Variants in EFCAB14 observed in about 807,000 individuals in gnomAD.
EFCAB14 encodes the protein EF-hand calcium-binding domain-containing protein 14.
A neutral mutation model predicts 56.5 loss-of-function variants in EFCAB14; 43 were observed. That is an observed-to-expected ratio of 0.76 (90% confidence interval 0.60 to 0.98). EFCAB14 has a LOEUF of 0.98. Ranked by LOEUF, EFCAB14 falls within the 50% of genes least tolerant of loss-of-function variation. The pLI, the probability that EFCAB14 is intolerant of heterozygous loss-of-function variation, is 0.00. For synonymous variants in EFCAB14, 235 were observed against 212.9 expected (o/e 1.10, Z -0.90); for missense variants, 538 against 580.3 (o/e 0.93, Z 0.75).
chr1:46,706,666 C>T (rs1677237438), intron 3 of EFCAB14, among the ~76,000 whole-genome samples: 1 of 152,136 alleles, frequency 6.6e-6, no homozygotes, highest in African/African-American at 2.4e-5. Context: ...TTAGGCAAGG[C>T]CAATTTCTCC....
chr1:46,707,771 T>C, intron 3 of EFCAB14, 135 bp downstream of exon 3: 1 of 760,852 alleles, frequency 1.3e-6, no homozygotes, highest in Non-Finnish European at 2.0e-6. Flanking sequence ...GGGATTACAG[T>C]ATGCAAAACC....
chr1:46,708,137 G>T, intron 2 of EFCAB14, 86 bp from the exon 3 acceptor site: 3 of 1,273,286 alleles, frequency 2.4e-6, no homozygotes, highest in Middle Eastern at 2.0e-4. Context: ...CAGTAGGAAA[G>T]AAGATGGATT....
At position 46,686,830 on chromosome 1, in the gene EFCAB14, T is replaced by G. The variant is rs749606157; in HGVS notation, c.1028A>C (p.Asp343Ala). Residue 343 changes from aspartate (D) to alanine (A), a missense_variant, in exon 8 of 11, where the codon GAT (aspartate) becomes GCT (alanine). Transcript: ENST00000371933. ...RSATLKRQSLDQVTNRTDTVK... is the reference protein window; with the variant it reads ...RSATLKRQSLAQVTNRTDTVK... The stretch of plus-strand genomic sequence containing the variant: ...TGTATCTGTTCTGTTGGTGACTTGA[T>G]CCAAAGACTGTCTTTTCAGAGTGGC... 1 of 1,613,846 alleles carries G rather than the reference T, an allele frequency of 6.2e-7. No homozygotes were observed. Among genetic ancestry groups the G allele is most frequent in the South Asian group, 1.1e-5 (1 of 91,076 alleles).
intron 3 of EFCAB14, among the ~76,000 whole-genome samples, chr1:46,704,448 G>GCCTGGGTGA (rs1405111046): frequency 2.2e-5 from 3 of 134,530 alleles, no homozygotes; most frequent in Non-Finnish European, 3.1e-5. Flanking sequence ...CTGCACCCCA[G>GCCTGGGTGA]CCTGGGTGAC....
At chr1:46,683,843 G>A (rs1676836061) in intron 9 of EFCAB14, among the ~76,000 whole-genome samples, 2 of 152,318 alleles carry the variant, frequency 1.3e-5, no homozygotes, top group East Asian at 3.9e-4. Flanking sequence ...GTAAGATGAT[G>A]TAGCACAATG....
At chr1:46,681,345 TTA>T (rs1296553858) in intron 10 of EFCAB14, among the ~76,000 whole-genome samples, 2 of 152,328 alleles carry the variant, frequency 1.3e-5, no homozygotes, top group East Asian at 3.9e-4. Context: ...TCAATGAGCT[TTA>T]TGTTTCTTTA....
chr1:46,693,761 A>C (rs954398567), intron 4 of EFCAB14, among the ~76,000 whole-genome samples: 4 of 152,230 alleles, frequency 2.6e-5, no homozygotes, highest in African/African-American at 9.6e-5. Context: ...CAAAACTCTG[A>C]AACTAGTATT....
rs993971199 is a variant in EFCAB14 at position 46,689,194 on chromosome 1, G to A, written c.795+393C>T. Among the ~76,000 whole-genome samples, 8 of 152,072 alleles carry A rather than the reference G, an allele frequency of 5.3e-5. No homozygotes were observed. In the East Asian group the frequency reaches 1.2e-3, roughly 22 times the overall value. ...GACTTTAGAAAATCCTGATTTTCAA[G>A]GATATGCTTTCTAACATTCTTAGAA... is the stretch of plus-strand genomic sequence containing the variant. On this transcript the variant is annotated intron_variant, in intron 6 of 10. Transcript: ENST00000371933.
At chr1:46,715,888 A>T (rs1291548945) in intron 2 of EFCAB14, among the ~76,000 whole-genome samples, 1 of 152,128 alleles carries the variant, frequency 6.6e-6, no homozygotes, top group Non-Finnish European at 1.5e-5. Flanking sequence ...AATGGGCAAA[A>T]ATCTTCGTTC....
At chr1:46,689,498 G>T in intron 6 of EFCAB14, 89 bp downstream of exon 6, 1 of 1,249,228 alleles carries the variant, frequency 8.0e-7, no homozygotes, top group Non-Finnish European at 1.2e-6. Context: ...GGATGCACCT[G>T]CTGAGACACC....
chr1:46,705,813 A>G (rs1677225279), intron 3 of EFCAB14, among the ~76,000 whole-genome samples: 2 of 152,022 alleles, frequency 1.3e-5, no homozygotes, highest in African/African-American at 4.8e-5. Context: ...GTCTTTATCT[A>G]GAAGTGTAGT....
intron 2 of EFCAB14, among the ~76,000 whole-genome samples, chr1:46,714,002 T>A (rs1319932007): frequency 2.0e-5 from 3 of 152,192 alleles, no homozygotes. Flanking sequence ...CAGGTTAGGA[T>A]TCTGGCAGAG....
At chr1:46,714,004 CTGGCAGAGAATTG>C (rs756678275) in intron 2 of EFCAB14, among the ~76,000 whole-genome samples, 24 of 152,136 alleles carry the variant, frequency 1.6e-4, no homozygotes, top group Non-Finnish European at 3.1e-4. Flanking sequence ...GGTTAGGATT[CTGGCAGAGAATTG>C]TGGCATACTG....
chr1:46,688,366 A>C lies in EFCAB14; in HGVS notation c.974T>G (p.Leu325Arg), dbSNP rs763869209. 3.1e-6 allele frequency: 5 copies of C among 1,613,746 alleles called. No individual in the cohort carries two copies. The Admixed American group carries it at 8.3e-5, about 27-fold the overall frequency. The change falls in exon 7 of 11, where the codon CTG becomes CGG. Residue 325 changes from leucine to arginine, a missense_variant. Coordinates refer to ENST00000371933, the MANE Select transcript of EFCAB14 (RefSeq NM_014774.3). The stretch of plus-strand genomic sequence containing the variant: ...GAAAAGGCTTACCATGCTGAAGGAC[A>C]GGTTTGCTTTCTTTTCTACCTTGCT... ...AMSKVEKKAN[L>R]SFSMMGDRSA... is the part of the protein sequence containing the mutation.
rs1676893436 is a variant in EFCAB14 at position 46,686,965 on chromosome 1, CTTAT to C, written c.988-99_988-96del. The C allele has an allele frequency of 3.4e-6, 4 of 1,163,258 alleles. No homozygotes were observed. In the African/African-American group the frequency reaches 6.2e-5, roughly 18 times the overall value. The allele number at this position is 1,163,258 out of a possible 1,614,324, so 72.1% of individuals were successfully genotyped here. A position where few individuals can be genotyped will look rare whatever the true frequency, so the allele number is the denominator to read the frequency against. On this transcript the variant is annotated intron_variant, in intron 7 of 10. Transcript: ENST00000371933. ...AGCACTTTTAAACAAATTCGTCAAA[CTTAT>C]TTAAAGGATCTCAGAACACTCTCAA...
At chr1:46,678,814 A>T (rs1676738975) in intron 10 of EFCAB14, among the ~76,000 whole-genome samples, 178 bp from the exon 11 acceptor site, 1 of 123,472 alleles carries the variant, frequency 8.1e-6, no homozygotes. Context: ...TCCCTTAAAA[A>T]TATATTAAAA....
Position 46,691,960 on chromosome 1 carries a change from G to A in EFCAB14, c.580-23C>T, listed in dbSNP as rs550446524. The A allele has an allele frequency of 1.1e-5, 17 of 1,580,622 alleles. No individual in the cohort carries two copies. The East Asian group carries it at 3.1e-4, about 29-fold the overall frequency. On this transcript the variant is annotated intron_variant, in intron 4 of 10. Coordinates refer to ENST00000371933, the MANE Select transcript of EFCAB14 (RefSeq NM_014774.3). ...ACTCTGAATGGAAACATATAGGAAG[G>A]TGTAAAAAAGCTTTAAGAGACAACT...
chr1:46,679,668 TG>T (rs977955354), intron 10 of EFCAB14, among the ~76,000 whole-genome samples: 2 of 136,108 alleles, frequency 1.5e-5, no homozygotes, highest in East Asian at 4.4e-4. Context: ...TGGAGTGCAG[TG>T]GTATGATCTT....
At chr1:46,717,853 G>T in intron 1 of EFCAB14, 50 bp downstream of exon 1, 1 of 1,566,916 alleles carries the variant, frequency 6.4e-7, no homozygotes, top group Non-Finnish European at 8.7e-7. Context: ...TGGCCCCTTG[G>T]TAGTGCAAGG....
Sources: allele counts gnomAD v4.1 joint callset (sites outside exome capture counted in the v4.1 genomes callset), GRCh38; gene constraint gnomAD v4.1.1; transcripts MANE v1.5; gene names NCBI Gene and HGNC (gene_info 2026-07-23, HGNC 2026-07-21).